RYR2: variants seen among roughly 807,000 people sequenced by gnomAD.
RYR2 encodes ryanodine receptor 2, also known as cardiac muscle ryanodine receptor-calcium release channel.
In RYR2, 227 loss-of-function variants were observed where a neutral mutation model predicts 601.1. The observed-to-expected ratio is 0.38, with a 90% CI of 0.34 to 0.42. The LOEUF is 0.42. Among genes scored for constraint, RYR2 ranks in the 10% least tolerant of loss-of-function variants. RYR2 has a pLI of 1.00. For synonymous variants in RYR2, 2,223 were observed against 2,175.1 expected (o/e 1.02, Z -0.61); for missense variants, 4,646 against 6,156.5 (o/e 0.75, Z 8.21).
At chr1:237,556,467 ATTT>A (rs34327081) in intron 27 of RYR2, among the ~76,000 whole-genome samples, 2 of 139,580 alleles carry the variant, frequency 1.4e-5, no homozygotes, top group East Asian at 2.1e-4. Flanking sequence ...GGCCCGGCTA[ATTT>A]TTTTTTTTTT....
intron 25 of RYR2, among the ~76,000 whole-genome samples, chr1:237,539,411 A>G (rs1261196728): frequency 1.3e-5 from 2 of 152,248 alleles, no homozygotes; most frequent in Non-Finnish European, 2.9e-5. Flanking sequence ...ACCTTTTCAT[A>G]GCCCACAATA....
In RYR2 at chr1:237,265,069, G is replaced by T. The variant is rs138249988; in HGVS notation, c.49-5428G>T. ...GATAACAATTGAAGAAACTAAAAGA[G>T]AAAATACAATGTTATGGGAGCACAA... On this transcript the variant is annotated intron_variant, in intron 1 of 104. Transcript: ENST00000366574. 4.8e-3 allele frequency among the ~76,000 whole-genome samples: 734 copies of T among 152,202 alleles called. 4 individuals are homozygous for T. The highest frequency in any genetic ancestry group is 5.9e-3 in the Non-Finnish European group (399 of 68,012).
chr1:237,253,611 GA>G (rs1219252825), intron 1 of RYR2, among the ~76,000 whole-genome samples: 2 of 152,192 alleles, frequency 1.3e-5, no homozygotes, highest in African/African-American at 4.8e-5. Context: ...TAAACTGAAT[GA>G]AAACAGCAGT....
At chr1:237,153,056 T>C (rs1361260319) in intron 1 of RYR2, among the ~76,000 whole-genome samples, 1 of 152,208 alleles carries the variant, frequency 6.6e-6, no homozygotes, top group African/African-American at 2.4e-5. Context: ...TGCTGGTTGC[T>C]GAATCAGATT....
At chr1:237,259,549 A>AGAGG (rs1187087162) in intron 1 of RYR2, among the ~76,000 whole-genome samples, 1 of 141,902 alleles carries the variant, frequency 7.0e-6, no homozygotes. Context: ...AAAAAAAAAG[A>AGAGG]GAGACTACCG....
intron 25 of RYR2, among the ~76,000 whole-genome samples, chr1:237,537,680 G>A (rs1385216011): frequency 6.6e-6 from 1 of 152,106 alleles, no homozygotes; most frequent in African/African-American, 2.4e-5. Flanking sequence ...ATTAACTATA[G>A]CTAGATAGAT....
chr1:237,312,919 C>A (rs1437252478), intron 2 of RYR2, among the ~76,000 whole-genome samples: 2 of 151,962 alleles, frequency 1.3e-5, no homozygotes, highest in East Asian at 3.9e-4. Context: ...TCTTTTTCGG[C>A]CTTTGAAGAC....
chr1:237,571,912 G>T (rs1230951680), intron 29 of RYR2, among the ~76,000 whole-genome samples: 6 of 152,036 alleles, frequency 3.9e-5, no homozygotes, highest in Non-Finnish European at 7.4e-5. Flanking sequence ...GGAAAATGGG[G>T]TATCCATCCC....
At chr1:237,760,321 A>G (rs921786553) in intron 83 of RYR2, among the ~76,000 whole-genome samples, 1 of 142,756 alleles carries the variant, frequency 7.0e-6, no homozygotes, top group Admixed American at 7.5e-5. Context: ...TAGTGCCACT[A>G]CTGCAGCCTG....
At chr1:237,437,202 G>A (rs188439333) in intron 12 of RYR2, among the ~76,000 whole-genome samples, 320 of 151,650 alleles carry the variant, frequency 2.1e-3, no homozygotes, top group Non-Finnish European at 3.5e-3. Flanking sequence ...CCGCCACCAC[G>A]CTCAGCTAAT....
intron 103 of RYR2, 81 bp from the exon 104 acceptor site, chr1:237,831,433 C>A: frequency 1.3e-6 from 1 of 785,860 alleles, no homozygotes; most frequent in Non-Finnish European, 2.1e-6. Flanking sequence ...TGATTGCAAC[C>A]ATACAATTTA....
chr1:237,574,799 C>A (rs1056668743), intron 29 of RYR2, among the ~76,000 whole-genome samples: 1 of 152,134 alleles, frequency 6.6e-6, no homozygotes, highest in Admixed American at 6.5e-5. Flanking sequence ...AACCAGGGAG[C>A]TTGGAAGATG....
chr1:237,606,446 A>G (rs919934720), intron 35 of RYR2, among the ~76,000 whole-genome samples: 1 of 152,242 alleles, frequency 6.6e-6, no homozygotes, highest in African/African-American at 2.4e-5. Flanking sequence ...TAAATGTTCG[A>G]CCTAAAACCA....
At chr1:237,676,544 A>G (rs1685413943) in intron 60 of RYR2, among the ~76,000 whole-genome samples, 1 of 152,190 alleles carries the variant, frequency 6.6e-6, no homozygotes, top group African/African-American at 2.4e-5. Context: ...TGGCTTGGCC[A>G]GGGCAAATTA....
At chr1:237,355,892 T>A (rs1204848699) in intron 3 of RYR2, 73 bp from the exon 4 acceptor site, 7 of 1,334,418 alleles carry the variant, frequency 5.2e-6, no homozygotes, top group Non-Finnish European at 7.3e-6. Flanking sequence ...ATCAATTCAT[T>A]TAAATGACAG....
At chr1:237,678,379 A>T (rs540665250) in intron 61 of RYR2, among the ~76,000 whole-genome samples, 38 of 152,152 alleles carry the variant, frequency 2.5e-4, no homozygotes, top group Non-Finnish European at 4.4e-4. Context: ...TTGTTTTATC[A>T]TATGATATGG....
chr1:237,760,840 T>G, intron 83 of RYR2, 115 bp from the exon 84 acceptor site: 2 of 461,154 alleles, frequency 4.3e-6, no homozygotes, highest in Non-Finnish European at 8.0e-6. Context: ...GTTTTCAGTG[T>G]ACGTTAACAT....
chr1:237,254,729 G>A (rs568476107), intron 1 of RYR2, among the ~76,000 whole-genome samples: 21 of 152,256 alleles, frequency 1.4e-4, no homozygotes, highest in East Asian at 3.9e-4. Flanking sequence ...ATATTTAAGC[G>A]TGGTATGAAT....
At chr1:237,675,856 A>G (rs1685347690) in intron 60 of RYR2, among the ~76,000 whole-genome samples, 1 of 152,140 alleles carries the variant, frequency 6.6e-6, no homozygotes, top group East Asian at 1.9e-4. Flanking sequence ...CTTCTCTTTC[A>G]GCCTGCCTCT....
Sources: allele counts gnomAD v4.1 joint callset (sites outside exome capture counted in the v4.1 genomes callset), GRCh38; gene constraint gnomAD v4.1.1; transcripts MANE v1.5; gene names NCBI Gene and HGNC (gene_info 2026-07-23, HGNC 2026-07-21).